CCDC73: variants seen among roughly 807,000 people sequenced by gnomAD.
CCDC73 encodes coiled-coil domain-containing protein 73.
A neutral mutation model predicts 116.5 loss-of-function variants in CCDC73; 95 were observed. The observed-to-expected ratio is 0.82, with a 90% CI of 0.69 to 0.97. CCDC73 has a LOEUF of 0.97. Among genes scored for constraint, CCDC73 ranks in the 50% least tolerant of loss-of-function variants. CCDC73 has a pLI of 0.00. For synonymous variants in CCDC73, 398 were observed against 401.3 expected, an observed-to-expected ratio of 0.99 and a Z score of 0.10; for missense variants, 1,066 against 1,206.8, an observed-to-expected ratio of 0.88 and a Z score of 1.73.
At chr11:32,743,211 T>A (rs1304609144) in intron 2 of CCDC73, among the ~76,000 whole-genome samples, 1 of 152,212 alleles carries the variant, frequency 6.6e-6, no homozygotes, top group African/African-American at 2.4e-5. Context: ...GGTAGCTTGA[T>A]GGGGACAGCA....
intron 7 of CCDC73, chr11:32,681,651 C>T (rs990570542): frequency 1.3e-5 from 2 of 151,878 alleles, no homozygotes; most frequent in Admixed American, 1.3e-4. Context: ...TTTATTGCTC[C>T]CCAAAGTCGT....
At chr11:32,672,682 G>T (rs948792515) in intron 9 of CCDC73, among the ~76,000 whole-genome samples, 3 of 152,070 alleles carry the variant, frequency 2.0e-5, no homozygotes, top group Admixed American at 6.6e-5. Flanking sequence ...ATTCCAAACA[G>T]ATTTTTTAAA....
intron 12 of CCDC73, among the ~76,000 whole-genome samples, chr11:32,645,055 T>C (rs959207752): frequency 1.3e-5 from 2 of 152,068 alleles, no homozygotes; most frequent in African/African-American, 2.4e-5. Flanking sequence ...AAAGCCACTG[T>C]AAATATTATA....
At chr11:32,822,265 C>T in the CCDC73 span, among the ~76,000 whole-genome samples, 1 of 152,148 alleles carries the variant, frequency 6.6e-6, no homozygotes, top group African/African-American at 2.4e-5. Context: ...TTGATGTTTA[C>T]TAACATTCAT....
intron 1 of CCDC73, among the ~76,000 whole-genome samples, chr11:32,765,386 G>T (rs999758881): frequency 1.4e-4 from 14 of 99,122 alleles, no homozygotes; most frequent in African/African-American, 4.9e-4. Context: ...CTCAGCAAAT[G>T]TAAAAGAACA....
intron 1 of CCDC73, among the ~76,000 whole-genome samples, chr11:32,792,525 C>CT (rs924763513): frequency 1.3e-5 from 2 of 152,044 alleles, no homozygotes; most frequent in African/African-American, 4.8e-5. Context: ...CCACAGAAAC[C>CT]TTTTTTTATT....
chr11:32,739,690 T>C (rs937338013), intron 2 of CCDC73, among the ~76,000 whole-genome samples: 2 of 152,136 alleles, frequency 1.3e-5, no homozygotes, highest in South Asian at 2.1e-4. Flanking sequence ...CCTTTATTTA[T>C]TCTTGTCTGA....
intron 2 of CCDC73, among the ~76,000 whole-genome samples, chr11:32,721,075 A>T (rs1260796559): frequency 1.3e-5 from 2 of 152,168 alleles, no homozygotes; most frequent in African/African-American, 4.8e-5. Context: ...TCCAGCCTGG[A>T]GTGCAGTGGT....
chr11:32,670,671 G>A (rs966124000), intron 9 of CCDC73, among the ~76,000 whole-genome samples: 2 of 152,058 alleles, frequency 1.3e-5, no homozygotes, highest in Non-Finnish European at 2.9e-5. Context: ...CATAAAGATT[G>A]GTTTTCTAAA....
At chr11:32,643,420 G>A (rs761133173) in intron 12 of CCDC73, among the ~76,000 whole-genome samples, 1 of 152,004 alleles carries the variant, frequency 6.6e-6, no homozygotes, top group Non-Finnish European at 1.5e-5. Flanking sequence ...CCATCATTAG[G>A]TGATTTTTGT....
At chr11:32,655,102 C>CCTACTTCT in intron 9 of CCDC73, 130 bp from the exon 10 acceptor site, 1 of 86,584 alleles carries the variant, frequency 1.2e-5, no homozygotes, top group Non-Finnish European at 2.3e-5. Context: ...TTGCAAGTTC[C>CCTACTTCT]CTTGCAAGAT....
chr11:32,729,392 T>C (rs1257813799), intron 2 of CCDC73, among the ~76,000 whole-genome samples: 2 of 152,238 alleles, frequency 1.3e-5, no homozygotes, highest in African/African-American at 4.8e-5. Flanking sequence ...GGTGTGTATA[T>C]ACCATATTTT....
intron 3 of CCDC73, among the ~76,000 whole-genome samples, chr11:32,716,959 T>G (rs1849951554): frequency 6.6e-6 from 1 of 152,244 alleles, no homozygotes. Context: ...TTTTAAAATC[T>G]GCTTGAAATT....
intron 2 of CCDC73, among the ~76,000 whole-genome samples, chr11:32,720,458 C>G (rs1181145660): frequency 6.6e-6 from 1 of 152,034 alleles, no homozygotes; most frequent in African/African-American, 2.4e-5. Context: ...CCTTTAAGAT[C>G]AGAAACAATG....
At chr11:32,736,990 A>ATG (rs1176331303) in intron 2 of CCDC73, among the ~76,000 whole-genome samples, 9 of 149,522 alleles carry the variant, frequency 6.0e-5, no homozygotes, top group Non-Finnish European at 1.0e-4. Flanking sequence ...ATATGTATAT[A>ATG]TGTATATATA....
intron 2 of CCDC73, among the ~76,000 whole-genome samples, chr11:32,747,575 G>A (rs947922075): frequency 6.6e-6 from 1 of 152,242 alleles, no homozygotes; most frequent in African/African-American, 2.4e-5. Context: ...CTGAGCTGCA[G>A]TTGGCTCTAC....
chr11:32,700,818 C>T lies in CCDC73; in HGVS notation c.288G>A (p.Met96Ile), dbSNP rs762763378. The T allele has an allele frequency of 6.9e-7, 1 of 1,445,128 alleles. No individual in the cohort carries two copies. Among genetic ancestry groups the T allele is most frequent in the South Asian group, 1.3e-5 (1 of 74,194 alleles). 89.5% of individuals were successfully genotyped at this position (1,445,128 alleles called of 1,614,324 possible). A position where few individuals can be genotyped will look rare whatever the true frequency, so the allele number is the denominator to read the frequency against. ...TTTCTTCTTCCAGGGCACACATCTT[C>T]ATCTGCAACTGATAAACAATTTTAA... ...AMAVFKKQLQMKMCALEEEKG... is the reference protein window; with the variant it reads ...AMAVFKKQLQIKMCALEEEKG... The change falls in exon 5 of 18, where the codon ATG becomes ATA. Residue 96 changes from methionine (M) to isoleucine (I), a missense_variant. Transcript: ENST00000335185.
chr11:32,680,609 A>G (rs1346561800), intron 7 of CCDC73: 3 of 152,138 alleles, frequency 2.0e-5, no homozygotes, highest in African/African-American at 7.2e-5. Flanking sequence ...AAATATTTAC[A>G]CACAACTTTT....
intron 2 of CCDC73, among the ~76,000 whole-genome samples, chr11:32,755,687 A>T (rs1442007081): frequency 5.2e-3 from 254 of 49,316 alleles, no homozygotes; most frequent in African/African-American, 0.023. Context: ...ATATCTCCAT[A>T]TATATGTGTA....
Sources: gnomAD v4.1 joint callset for allele counts (sites outside exome capture counted in the v4.1 genomes callset) on GRCh38, gnomAD v4.1.1 for gene constraint, MANE v1.5 for transcripts, NCBI Gene and HGNC (gene_info 2026-07-23, HGNC 2026-07-21) for gene names.